Variants in DSCC1 observed in about 807,000 individuals in gnomAD.
DSCC1 encodes the protein DNA replication and sister chromatid cohesion 1.
DSCC1 carries 32 observed loss-of-function variants against 48.2 expected under a neutral mutation model. The ratio of observed to expected loss-of-function variants is 0.66; its 90% CI spans 0.50 to 0.89. DSCC1 has a LOEUF of 0.89. Among genes scored for constraint, DSCC1 ranks in the 40% least tolerant of loss-of-function variants. DSCC1 has a pLI of 0.00. For missense variants in DSCC1, 421 were observed against 471.7 expected, an observed-to-expected ratio of 0.89 and a Z score of 1.00; for synonymous variants, 150 against 171.5, an observed-to-expected ratio of 0.87 and a Z score of 0.98.
At position 119,835,130 on chromosome 8, in the gene DSCC1, T is replaced by C. The variant is rs1586573423; in HGVS notation, c.1074-129A>G. 2.2e-5 allele frequency: 14 copies of C among 626,720 alleles called. No homozygotes were observed. The East Asian group carries it at 3.9e-4, about 18-fold the overall frequency. 38.8% of individuals were successfully genotyped at this position (626,720 alleles called of 1,614,324 possible). On this transcript the variant is annotated intron_variant, in intron 8 of 8. Coordinates refer to ENST00000313655, the MANE Select transcript of DSCC1 (RefSeq NM_024094.3). ...CAACAAGCGTAAGTGTAGGTGTTTG[T>C]GGGAGAGATAGGGTGGGGAGTGGTT...
At chr8:119,851,229 C>T (rs1290816591) in intron 2 of DSCC1, among the ~76,000 whole-genome samples, 3 of 152,096 alleles carry the variant, frequency 2.0e-5, no homozygotes, top group Non-Finnish European at 4.4e-5. Context: ...TTTGGGATGC[C>T]CTCCAACTCT....
chr8:119,851,204 C>A (rs1826939443), intron 2 of DSCC1, among the ~76,000 whole-genome samples: 1 of 152,158 alleles, frequency 6.6e-6, no homozygotes, highest in Non-Finnish European at 1.5e-5. Context: ...AGAAAAAAGG[C>A]TCAACTGGAT....
At chr8:119,847,116 G>A (rs2131304618) in intron 3 of DSCC1, 36 bp from the exon 4 acceptor site, 1 of 1,566,252 alleles carries the variant, frequency 6.4e-7, no homozygotes. Context: ...GGCCTTTGAA[G>A]AATATTTTGT....
In DSCC1 at chr8:119,847,009, T is replaced by C. The variant is rs750892081; in HGVS notation, c.558A>G (p.Leu186=). ...CGCTACCTCCAATCTTACAGGCATT[T>C]AGAACTTGTAATTGGGTCATTATTT... is the stretch of plus-strand genomic sequence containing the variant. ...EEEIMTQLQV[L]NACKIGGYWR... Residue 186 remains leucine (L), a synonymous_variant, in exon 4 of 9, where the codon CTA becomes CTG. Transcript: ENST00000313655. 48 of 1,613,750 alleles carry C rather than the reference T, an allele frequency of 3.0e-5. No homozygotes were observed. Among genetic ancestry groups the C allele is most frequent in the Non-Finnish European group, 4.0e-5 (47 of 1,180,014 alleles).
chr8:119,847,729 G>A (rs1255654304), intron 3 of DSCC1, among the ~76,000 whole-genome samples: 12 of 149,760 alleles, frequency 8.0e-5, no homozygotes, highest in African/African-American at 2.5e-4. Context: ...GCAATGGTGC[G>A]ATCTTGGCTC....
intron 4 of DSCC1, among the ~76,000 whole-genome samples, chr8:119,845,234 C>T (rs1438985922): frequency 2.6e-5 from 4 of 151,962 alleles, no homozygotes; most frequent in Non-Finnish European, 5.9e-5. Flanking sequence ...TATAGGCATG[C>T]GCCAACATGC....
intron 6 of DSCC1, 27 bp from the exon 7 acceptor site, chr8:119,841,975 A>G (rs778205119): frequency 2.1e-5 from 33 of 1,605,800 alleles, no homozygotes; most frequent in Non-Finnish European, 2.7e-5. Flanking sequence ...AGATATTTTC[A>G]TATTATCATC....
At chr8:119,835,078 CT>C in intron 8 of DSCC1, 77 bp from the exon 9 acceptor site, 1 of 938,808 alleles carries the variant, frequency 1.1e-6, no homozygotes, top group Non-Finnish European at 1.6e-6. Flanking sequence ...TACTTATTTT[CT>C]CTCTCTCCCC....
rs142451784 is a variant in DSCC1, at chr8:119,837,765, G to A, written c.1073+494C>T. Among the ~76,000 whole-genome samples the A allele has an allele frequency of 1.7e-3, 253 of 152,250 alleles. 1 individual carries two copies. Among genetic ancestry groups the A allele is most frequent in the African/African-American group, 5.7e-3 (236 of 41,562 alleles). Reference sequence around the variant, plus strand: ...GCTAAGAAGGCCAGCCACAGGATTCGAGCTGGGTAAAGAGAAGAAAGAGCA... The same window carrying A: ...GCTAAGAAGGCCAGCCACAGGATTCAAGCTGGGTAAAGAGAAGAAAGAGCA... On this transcript the variant is annotated intron_variant, in intron 8 of 8. Coordinates refer to ENST00000313655, the MANE Select transcript of DSCC1 (RefSeq NM_024094.3).
At chr8:119,854,937 C>T (rs1333675696) in intron 1 of DSCC1, among the ~76,000 whole-genome samples, 2 of 152,166 alleles carry the variant, frequency 1.3e-5, no homozygotes, top group Non-Finnish European at 1.5e-5. Flanking sequence ...ATATAGGTGT[C>T]GGAGGACCAA....
At position 119,836,389 on chromosome 8, in the gene DSCC1, AT is replaced by A. The variant is rs1229905413; in HGVS notation, c.1074-1389del. On this transcript the variant is annotated intron_variant, in intron 8 of 8. Coordinates refer to ENST00000313655, the MANE Select transcript of DSCC1 (RefSeq NM_024094.3). Reference sequence around the variant, plus strand: ...TATATGGAGGTCTCATTATATTGTCATTTTTGAATATTTAAACAGTATAAGA... The same window carrying A: ...TATATGGAGGTCTCATTATATTGTCATTTTGAATATTTAAACAGTATAAGA... Among the ~76,000 whole-genome samples, 4 of 152,290 alleles carry A rather than the reference AT, an allele frequency of 2.6e-5. No homozygotes were observed. In the East Asian group the frequency reaches 5.8e-4, roughly 22 times the overall value.
At chr8:119,840,861 G>A (rs1826757472) in intron 7 of DSCC1, among the ~76,000 whole-genome samples, 3 of 151,734 alleles carry the variant, frequency 2.0e-5, no homozygotes, top group African/African-American at 4.8e-5. Flanking sequence ...GCAGTGAGCC[G>A]AGATTGAGCC....
At chr8:119,840,173 A>G (rs1203707198) in intron 7 of DSCC1, 3 of 152,254 alleles carry the variant, frequency 2.0e-5, no homozygotes, top group African/African-American at 4.8e-5. Context: ...TACCAAGTAT[A>G]CGCCACATGC....
intron 5 of DSCC1, 65 bp downstream of exon 5, chr8:119,843,544 C>G: frequency 6.5e-7 from 1 of 1,540,038 alleles, no homozygotes; most frequent in South Asian, 1.3e-5. Flanking sequence ...GGTTTAATTC[C>G]AATCTGTAAA....
intron 7 of DSCC1, among the ~76,000 whole-genome samples, chr8:119,840,680 G>A (rs1303683059): frequency 3.3e-5 from 5 of 152,140 alleles, no homozygotes; most frequent in African/African-American, 9.7e-5. Context: ...GGGAGGCCAA[G>A]GTGGGCAGAT....
chr8:119,835,430 C>T (rs1380735096), intron 8 of DSCC1, among the ~76,000 whole-genome samples: 1 of 151,812 alleles, frequency 6.6e-6, no homozygotes, highest in African/African-American at 2.4e-5. Context: ...TTGCTTGAAC[C>T]CGGGAGGCAG....
intron 1 of DSCC1, among the ~76,000 whole-genome samples, chr8:119,854,448 TAA>T (rs1407438901): frequency 7.2e-5 from 11 of 152,194 alleles, no homozygotes; most frequent in Admixed American, 7.2e-4. Context: ...TATTTTTGAC[TAA>T]GTCTTCATTT....
intron 1 of DSCC1, 94 bp from the exon 2 acceptor site, chr8:119,853,309 CT>C: frequency 7.7e-7 from 1 of 1,292,324 alleles, no homozygotes; most frequent in Non-Finnish European, 1.0e-6. Flanking sequence ...GCTTGCAGAA[CT>C]TAGAATTAAG....
In DSCC1 at chr8:119,838,302, G is replaced by A. The variant is rs904603225; in HGVS notation, c.1030C>T (p.Leu344=). 11 of 1,607,242 alleles carry A rather than the reference G, an allele frequency of 6.8e-6. No individual in the cohort carries two copies. The highest frequency in any genetic ancestry group is 9.3e-6 in the Non-Finnish European group (11 of 1,177,530). The change falls in exon 8 of 9, where the codon CTA becomes TTA. Residue 344 remains leucine (L), a synonymous_variant. Transcript: ENST00000313655. The part of the protein sequence containing the change: ...NQERFNSLFS[L]REKWTEEDIA... ...TCTTCTTCTGTCCACTTCTCCCTTAGAGAGAAAAGGCTATTAAAACGTTCC... is the reference window on the plus strand; with the variant it reads ...TCTTCTTCTGTCCACTTCTCCCTTAAAGAGAAAAGGCTATTAAAACGTTCC...
Sources: allele counts gnomAD v4.1 joint callset (sites outside exome capture counted in the v4.1 genomes callset), GRCh38; gene constraint gnomAD v4.1.1; transcripts MANE v1.5; gene names NCBI Gene and HGNC (gene_info 2026-07-23, HGNC 2026-07-21).